ABCA12: variants seen among roughly 807,000 people sequenced by gnomAD.
The protein encoded by ABCA12 is ATP binding cassette subfamily A member 12.
ABCA12 carries 156 observed loss-of-function variants against 293.5 expected under a neutral mutation model. That is an observed-to-expected ratio of 0.53 (90% CI 0.47 to 0.61). ABCA12 has a LOEUF of 0.61. ABCA12 is among the 20% of genes least tolerant of loss of function. The pLI is 0.00. For synonymous variants in ABCA12, 1,063 were observed against 1,108.0 expected (o/e 0.96, Z 0.81); for missense variants, 2,797 against 3,090.2 (o/e 0.91, Z 2.25).
At chr2:214,990,469 C>T (rs1242211584) in intron 24 of ABCA12, among the ~76,000 whole-genome samples, 1 of 152,138 alleles carries the variant, frequency 6.6e-6, no homozygotes, top group Non-Finnish European at 1.5e-5. Flanking sequence ...ACTGTTCTTT[C>T]TTTAGGAACT....
intron 36 of ABCA12, among the ~76,000 whole-genome samples, chr2:214,971,272 T>C (rs538619052): frequency 1.5e-4 from 23 of 152,336 alleles, no homozygotes; most frequent in African/African-American, 5.3e-4. Flanking sequence ...TATCAAGTTA[T>C]ATCAACATGA....
At chr2:215,133,827 C>T (rs1395049627) in intron 1 of ABCA12, among the ~76,000 whole-genome samples, 1 of 151,826 alleles carries the variant, frequency 6.6e-6, no homozygotes, top group African/African-American at 2.4e-5. Context: ...CTTTGGTGGG[C>T]TAAGTGTTAA....
chr2:214,978,261 T>G, intron 33 of ABCA12, 55 bp downstream of exon 33: 2 of 1,601,106 alleles, frequency 1.2e-6, no homozygotes, highest in Non-Finnish European at 1.7e-6. Flanking sequence ...TCTGTGATTT[T>G]TCTCATTTAT....
intron 1 of ABCA12, among the ~76,000 whole-genome samples, chr2:215,118,326 C>A (rs1702728611): frequency 6.6e-6 from 1 of 151,954 alleles, no homozygotes. Flanking sequence ...CATTTGAACC[C>A]AAGAGATGGA....
At chr2:215,024,964 G>C (rs1700706495) in intron 11 of ABCA12, among the ~76,000 whole-genome samples, 1 of 151,916 alleles carries the variant, frequency 6.6e-6, no homozygotes, top group Non-Finnish European at 1.5e-5. Flanking sequence ...ACATTCTCTA[G>C]TATCATAAAT....
At chr2:215,087,489 T>TGTGTGTGTGTGTGTGTGTGTGTGTGC (rs1413143058) in intron 2 of ABCA12, among the ~76,000 whole-genome samples, 5 of 151,230 alleles carry the variant, frequency 3.3e-5, no homozygotes, top group African/African-American at 7.3e-5. Context: ...ACAGGCTTCG[T>TGTGTGTGTGTGTGTGTGTGTGTGTGC]GTGTGTGTGT....
At chr2:215,038,679 G>A (rs1310950138) in intron 7 of ABCA12, among the ~76,000 whole-genome samples, 3 of 152,210 alleles carry the variant, frequency 2.0e-5, no homozygotes, top group Non-Finnish European at 2.9e-5. Flanking sequence ...GTCTCAGGGC[G>A]TAAATCTTGG....
At chr2:214,982,503 C>A (rs1011198268) in intron 29 of ABCA12, 120 bp from the exon 30 acceptor site, 3 of 734,328 alleles carry the variant, frequency 4.1e-6, no homozygotes, top group East Asian at 2.7e-5. Flanking sequence ...CAGTAAGGTA[C>A]AATAAACTCT....
chr2:215,128,335 C>T (rs562881156), intron 1 of ABCA12, among the ~76,000 whole-genome samples: 4 of 152,176 alleles, frequency 2.6e-5, no homozygotes, highest in Non-Finnish European at 4.4e-5. Context: ...TGTATTTGCA[C>T]GTCTAGGTCT....
Position 215,123,054 on chromosome 2 carries a change from T to C in ABCA12, c.70-11364A>G, listed in dbSNP as rs571020694. 9.2e-5 allele frequency among the ~76,000 whole-genome samples: 14 copies of C among 152,318 alleles called. No homozygotes were observed. The South Asian group carries it at 1.9e-3, about 20-fold the overall frequency. ...TGATATGTGATTTTCTGCTTCTATG[T>C]TAGTTCACTTAGGATAATGGCCTCC... On this transcript the variant is annotated intron_variant, in intron 1 of 52. Transcript: ENST00000272895.
intron 33 of ABCA12, 135 bp from the exon 34 acceptor site, chr2:214,976,172 C>T: frequency 1.6e-6 from 2 of 1,257,154 alleles, no homozygotes; most frequent in East Asian, 2.5e-5. Context: ...TGAGGTTCAG[C>T]AATGTTATTT....
chr2:215,131,706 T>G (rs1353016065), intron 1 of ABCA12, among the ~76,000 whole-genome samples: 5 of 127,414 alleles, frequency 3.9e-5, no homozygotes, highest in South Asian at 2.3e-4. Flanking sequence ...TCTATTGTTT[T>G]TTTTTTTTTT....
At chr2:215,022,513 A>G (rs888815764) in intron 11 of ABCA12, 3 of 152,232 alleles carry the variant, frequency 2.0e-5, no homozygotes, top group Admixed American at 2.0e-4. Context: ...ATTAATCATC[A>G]ACATAAATTC....
chr2:214,943,066 G>T, intron 49 of ABCA12, 49 bp from the exon 50 acceptor site: 3 of 1,466,368 alleles, frequency 2.0e-6, no homozygotes, highest in Non-Finnish European at 2.9e-6. Context: ...CAGAAAACTT[G>T]GGTTGAAGTT....
chr2:214,955,897 T>C (rs927519209), intron 42 of ABCA12, among the ~76,000 whole-genome samples: 2 of 152,198 alleles, frequency 1.3e-5, no homozygotes, highest in African/African-American at 2.4e-5. Context: ...CTCCTGAATA[T>C]GGTATTATCC....
intron 6 of ABCA12, 90 bp downstream of exon 6, chr2:215,049,536 T>G: frequency 7.7e-7 from 1 of 1,296,786 alleles, no homozygotes; most frequent in Admixed American, 1.7e-5. Flanking sequence ...TAAACAAATA[T>G]CCCAGTCAGC....
chr2:214,936,042 G>A (rs1698208068), intron 51 of ABCA12, among the ~76,000 whole-genome samples: 1 of 152,134 alleles, frequency 6.6e-6, no homozygotes, highest in African/African-American at 2.4e-5. Flanking sequence ...TGTTACTGTA[G>A]TAGTACTCCC....
At chr2:215,005,151 C>T (rs376139057) in intron 19 of ABCA12, among the ~76,000 whole-genome samples, 191 of 152,164 alleles carry the variant, frequency 1.3e-3, no homozygotes, top group African/African-American at 4.6e-3. Flanking sequence ...GAGGTAAGGG[C>T]TATTATTACC....
chr2:215,097,822 A>G (rs1702278266), intron 2 of ABCA12, among the ~76,000 whole-genome samples: 2 of 152,216 alleles, frequency 1.3e-5, no homozygotes, highest in African/African-American at 4.8e-5. Flanking sequence ...CCTGTTATTT[A>G]CCTTCTGGAT....
Sources: gnomAD v4.1 joint callset for allele counts (sites outside exome capture counted in the v4.1 genomes callset) on GRCh38, gnomAD v4.1.1 for gene constraint, MANE v1.5 for transcripts, NCBI Gene and HGNC (gene_info 2026-07-23, HGNC 2026-07-21) for gene names.